RBFOX1: variants seen among roughly 807,000 people sequenced by gnomAD.
RBFOX1 encodes the protein RNA binding fox-1 homolog 1.
In RBFOX1, 8 loss-of-function variants were observed where a neutral mutation model predicts 57.7. That is an observed-to-expected ratio of 0.14 (90% confidence interval 0.08 to 0.25). The LOEUF is 0.25. Ranked by LOEUF, RBFOX1 falls within the 10% of genes least tolerant of loss-of-function variation. The pLI, the probability that RBFOX1 is intolerant of heterozygous loss-of-function variation, is 1.00. For missense variants in RBFOX1, 611 were observed against 548.5 expected, an observed-to-expected ratio of 1.11 and a Z score of -1.14; for synonymous variants, 326 against 222.4, an observed-to-expected ratio of 1.47 and a Z score of -4.15.
intron 3 of RBFOX1, among the ~76,000 whole-genome samples, chr16:6,831,768 C>G (rs891923803): frequency 1.3e-5 from 2 of 152,130 alleles, no homozygotes; most frequent in Non-Finnish European, 2.9e-5. Flanking sequence ...TATTCCATTT[C>G]CACATCTTTG....
chr16:7,666,701 G>T (rs2069420594), intron 13 of RBFOX1, among the ~76,000 whole-genome samples: 1 of 152,182 alleles, frequency 6.6e-6, no homozygotes, highest in Admixed American at 6.5e-5. Context: ...AGAATCCACA[G>T]AGCAATGCAA....
intron 3 of RBFOX1, among the ~76,000 whole-genome samples, chr16:6,743,918 A>G (rs1053069004): frequency 6.6e-6 from 1 of 151,064 alleles, no homozygotes; most frequent in African/African-American, 2.5e-5. Flanking sequence ...TATGATATAT[A>G]CAGTAAATGA....
rs760648489 is a variant in RBFOX1 at position 5,510,250 on chromosome 16, C to T, written c.258+42996C>T. ...AGACCTCAGTGGCTTCAGCAGCCGT[C>T]ACTTATTGTCACAGGTGCAGCTGTG... is the stretch of plus-strand genomic sequence containing the variant. On this transcript the variant is annotated intron_variant, in intron 2 of 2. Coordinates refer to the RBFOX1 transcript ENST00000585867. 4.1e-4 allele frequency among the ~76,000 whole-genome samples: 62 copies of T among 152,190 alleles called. 1 individual carries two copies. Among genetic ancestry groups the T allele is most frequent in the Non-Finnish European group, 3.2e-4 (22 of 68,044 alleles).
chr16:6,861,398 C>T (rs1256271237), intron 3 of RBFOX1, among the ~76,000 whole-genome samples: 2 of 152,112 alleles, frequency 1.3e-5, no homozygotes, highest in African/African-American at 4.8e-5. Context: ...ACCAGTCAAG[C>T]AGTTCCCTAA....
At chr16:6,060,131 T>TTTTTTTTTTTTTTTTTTTTTTTTG in intron 1 of RBFOX1, among the ~76,000 whole-genome samples, 1 of 11,984 alleles carries the variant, frequency 8.3e-5, no homozygotes, top group African/African-American at 2.7e-4. Flanking sequence ...GGTTTTTTTT[T>TTTTTTTTTTTTTTTTTTTTTTTTG]TTTTTTTTTT....
intron 2 of RBFOX1, among the ~76,000 whole-genome samples, chr16:6,652,935 ACT>A (rs917351591): frequency 8.5e-5 from 13 of 152,130 alleles, no homozygotes; most frequent in South Asian, 4.1e-4. Flanking sequence ...AGGTAATAAA[ACT>A]CTGAGTGGTT....
intron 3 of RBFOX1, among the ~76,000 whole-genome samples, chr16:6,892,930 G>A (rs115470498): frequency 6.6e-6 from 1 of 151,892 alleles, no homozygotes; most frequent in Non-Finnish European, 1.5e-5. Context: ...CTATTCTTGC[G>A]TGTGTGGCGC....
intron 2 of RBFOX1, among the ~76,000 whole-genome samples, chr16:5,571,408 T>C (rs1299535560): frequency 6.6e-6 from 1 of 151,340 alleles, no homozygotes; most frequent in Non-Finnish European, 1.5e-5. Context: ...AGAGATGGGG[T>C]TTCACCCTGT....
At chr16:7,703,066 A>T (rs1412527739) in intron 14 of RBFOX1, among the ~76,000 whole-genome samples, 1 of 152,186 alleles carries the variant, frequency 6.6e-6, no homozygotes, top group African/African-American at 2.4e-5. Context: ...ACATCCCTTT[A>T]GCTAGACCAT....
intron 1 of RBFOX1, among the ~76,000 whole-genome samples, chr16:6,138,282 G>C (rs2096683829): frequency 6.6e-6 from 1 of 152,190 alleles, no homozygotes; most frequent in African/African-American, 2.4e-5. Flanking sequence ...TTTTGAACAA[G>C]GGGGCCCCAT....
chr16:7,289,084 A>G (rs750042372), intron 4 of RBFOX1, among the ~76,000 whole-genome samples: 1 of 152,184 alleles, frequency 6.6e-6, no homozygotes, highest in Non-Finnish European at 1.5e-5. Flanking sequence ...TACCCAGAAG[A>G]ACACTCATGC....
chr16:7,185,134 A>T lies in RBFOX1; in HGVS notation c.27+133036A>T, dbSNP rs550458389. Among the ~76,000 whole-genome samples the T allele has an allele frequency of 4.6e-5, 7 of 152,292 alleles. No individual in the cohort carries two copies. The South Asian group carries it at 1.4e-3, about 32-fold the overall frequency. Reference sequence around the variant, plus strand: ...ACAGTGGGGTATTATGGAAGAGCATATGGGAGCACTTTGCAAAGTGTCAAC... The same window carrying T: ...ACAGTGGGGTATTATGGAAGAGCATTTGGGAGCACTTTGCAAAGTGTCAAC... On this transcript the variant is annotated intron_variant, in intron 4 of 15. Transcript: ENST00000550418.
chr16:6,384,877 T>A (rs2092134230), intron 2 of RBFOX1, among the ~76,000 whole-genome samples: 1 of 152,190 alleles, frequency 6.6e-6, no homozygotes. Context: ...CGTGTATCCT[T>A]CCCTTAGAAC....
chr16:7,263,033 G>C lies in RBFOX1; in HGVS notation c.27+210935G>C, dbSNP rs1186745743. Among the ~76,000 whole-genome samples, 5 of 152,184 alleles carry C rather than the reference G, an allele frequency of 3.3e-5. No homozygotes were observed. In the East Asian group the frequency reaches 9.7e-4, roughly 29 times the overall value. On this transcript the variant is annotated intron_variant, in intron 4 of 15. Transcript: ENST00000550418. ...GTGCAGACTTCTGCAGCCTCTGCAG[G>C]TGGAATGACTGTTCTCTCCTCTAGT...
chr16:6,009,552 G>T (rs1341199059), intron 4 of RBFOX1, among the ~76,000 whole-genome samples: 2 of 152,104 alleles, frequency 1.3e-5, no homozygotes, highest in Non-Finnish European at 2.9e-5. Context: ...TATTTATGGT[G>T]CATAATCAGT....
chr16:5,968,005 T>G (rs2059883520), intron 4 of RBFOX1, among the ~76,000 whole-genome samples: 2 of 152,220 alleles, frequency 1.3e-5, no homozygotes, highest in African/African-American at 4.8e-5. Context: ...TCAGTCTTAG[T>G]TCTACAAATA....
At chr16:6,264,082 T>C (rs2097718169) in intron 1 of RBFOX1, among the ~76,000 whole-genome samples, 2 of 152,190 alleles carry the variant, frequency 1.3e-5, no homozygotes, top group Non-Finnish European at 2.9e-5. Context: ...AACCTTACTT[T>C]CATAGAGTCT....
chr16:5,716,736 A>T (rs1456591419), intron 3 of RBFOX1, among the ~76,000 whole-genome samples: 1 of 152,246 alleles, frequency 6.6e-6, no homozygotes, highest in African/African-American at 2.4e-5. Flanking sequence ...GTGTCTTTAT[A>T]GTAAAATGAT....
intron 1 of RBFOX1, among the ~76,000 whole-genome samples, chr16:5,389,146 G>C (rs941352705): frequency 7.9e-5 from 12 of 151,824 alleles, no homozygotes; most frequent in African/African-American, 2.9e-4. Flanking sequence ...AGCCGAGATC[G>C]CGCCACTGCA....
Sources: allele counts gnomAD v4.1 joint callset (sites outside exome capture counted in the v4.1 genomes callset), GRCh38; gene constraint gnomAD v4.1.1; transcripts MANE v1.5; gene names NCBI Gene and HGNC (gene_info 2026-07-23, HGNC 2026-07-21).